Variants in HTRA3 observed in about 807,000 individuals in gnomAD.
HTRA3 encodes HtrA serine peptidase 3.
HTRA3 carries 41 observed loss-of-function variants against 43.2 expected under a neutral mutation model. The ratio of observed to expected loss-of-function variants is 0.95; its 90% CI spans 0.74 to 1.23. The LOEUF is 1.23. HTRA3 is among the 50% of genes most tolerant of loss of function. HTRA3 has a pLI of 0.00. For synonymous variants in HTRA3, 295 were observed against 287.9 expected, an observed-to-expected ratio of 1.02 and a Z score of -0.25; for missense variants, 628 against 647.1, an observed-to-expected ratio of 0.97 and a Z score of 0.32.
chr4:8,293,148 G>T (rs139080824), intron 5 of HTRA3, among the ~76,000 whole-genome samples: 17 of 152,354 alleles, frequency 1.1e-4, no homozygotes, highest in African/African-American at 2.6e-4. Context: ...GCTGCCTCAG[G>T]CCTCGTGTGC....
At chr4:8,289,937 G>A (rs967117476) in intron 3 of HTRA3, among the ~76,000 whole-genome samples, 1 of 132,376 alleles carries the variant, frequency 7.6e-6, no homozygotes, top group African/African-American at 3.1e-5. Flanking sequence ...CAGGGAGGAT[G>A]GGCTGACCCT....
chr4:8,276,441 C>T lies in HTRA3; in HGVS notation c.386-5996C>T, dbSNP rs549302864. On this transcript the variant is annotated intron_variant, in intron 1 of 8. Coordinates refer to ENST00000307358, the MANE Select transcript of HTRA3 (RefSeq NM_053044.5). ...GTTAGTGAGAGTGAGGGAGAGGGGT[C>T]GAGGAAGGGGAGGAGCTGGAAGGCG... 2.6e-4 allele frequency among the ~76,000 whole-genome samples: 39 copies of T among 152,232 alleles called. No individual in the cohort carries two copies. The South Asian group carries it at 6.4e-3, about 25-fold the overall frequency.
chr4:8,281,755 G>T (rs1417052328), intron 1 of HTRA3, among the ~76,000 whole-genome samples: 1 of 152,238 alleles, frequency 6.6e-6, no homozygotes, highest in Non-Finnish European at 1.5e-5. Context: ...CCCTACTGCT[G>T]ACGGCAGCAG....
chr4:8,275,131 C>T (rs949485928), intron 1 of HTRA3, among the ~76,000 whole-genome samples: 8 of 152,220 alleles, frequency 5.3e-5, no homozygotes, highest in African/African-American at 1.2e-4. Flanking sequence ...CAAGAGCTTT[C>T]GCCAAGGCTG....
chr4:8,301,502 C>G (rs1283826184), intron 6 of HTRA3, among the ~76,000 whole-genome samples: 1 of 152,012 alleles, frequency 6.6e-6, no homozygotes, highest in African/African-American at 2.4e-5. Flanking sequence ...TTGATTCACA[C>G]TCTCAGCTTT....
intron 5 of HTRA3, 111 bp downstream of exon 5, chr4:8,292,464 AC>A: frequency 1.1e-6 from 1 of 937,308 alleles, no homozygotes; most frequent in Non-Finnish European, 1.7e-6. Flanking sequence ...GAACATTTAC[AC>A]CAACAGTCGG....
chr4:8,296,311 CCT>C lies in HTRA3; in HGVS notation c.1051+2111_1051+2112del, dbSNP rs1461316759. ...TCCCAGAACCCCCTGGGAAATATCC[CCT>C]GTCCTCAGAGCTGTGTCCCCTCCCC... On this transcript the variant is annotated intron_variant, in intron 6 of 8. Transcript: ENST00000307358. This position sits in a 1 kb window ranked among gnomAD's most constrained non-coding sequence, Gnocchi z 5.3. The C allele has an allele frequency of 8.2e-5, 81 of 985,360 alleles. No homozygotes were observed. Among genetic ancestry groups the C allele is most frequent in the East Asian group, 1.1e-4 (1 of 8,818 alleles). The allele number at this position is 985,360 out of a possible 1,614,324, so 61.0% of individuals were successfully genotyped here.
chr4:8,272,213 C>T lies in HTRA3; in HGVS notation c.385+1860C>T, dbSNP rs114894134. ...GACACTCACTGACTTCTGGAGTTCG[C>T]GTCATGAGGCACTTTCTCTGTGTGC... On this transcript the variant is annotated intron_variant, in intron 1 of 8. Transcript: ENST00000307358. 5.4e-3 allele frequency among the ~76,000 whole-genome samples: 826 copies of T among 152,300 alleles called. 13 individuals carry two copies. The highest frequency in any genetic ancestry group is 0.019 in the African/African-American group (777 of 41,554).
In HTRA3 at chr4:8,269,899, A is replaced by C. The variant is rs1359265882; in HGVS notation, c.-70A>C. 5 of 764,362 alleles carry C rather than the reference A, an allele frequency of 6.5e-6. No homozygotes were observed. The highest frequency in any genetic ancestry group is 4.8e-6 in the Non-Finnish European group (3 of 624,418). 47.3% of individuals were successfully genotyped at this position (764,362 alleles called of 1,614,324 possible). On this transcript the variant is annotated 5_prime_UTR_variant, in exon 1 of 9. Transcript: ENST00000307358. ...GTAGGCGCCCGGCGCCCGGCCCCGC[A>C]GCGGCCTCGTTGTCCCCGCCGGCCC...
chr4:8,276,551 G>A (rs1712531958), intron 1 of HTRA3, among the ~76,000 whole-genome samples: 1 of 152,248 alleles, frequency 6.6e-6, no homozygotes, highest in Admixed American at 6.5e-5. Context: ...CTTCCTGTAA[G>A]AGGAGGGCCA....
At chr4:8,304,304 T>A in intron 8 of HTRA3, 25 bp downstream of exon 8, 1 of 1,591,864 alleles carries the variant, frequency 6.3e-7, no homozygotes, top group Non-Finnish European at 8.6e-7. Flanking sequence ...AGGAGATCGC[T>A]CGAGGCATGG....
intron 1 of HTRA3, among the ~76,000 whole-genome samples, chr4:8,278,398 A>G (rs1712613063): frequency 6.6e-6 from 1 of 152,064 alleles, no homozygotes. Context: ...AGGAAAAAAA[A>G]AAAAAAAAGG....
At position 8,296,065 on chromosome 4, in the gene HTRA3, A is replaced by G. The variant is rs1015632384; in HGVS notation, c.1051+1864A>G. On this transcript the variant is annotated intron_variant, in intron 6 of 8. Coordinates refer to ENST00000307358, the MANE Select transcript of HTRA3 (RefSeq NM_053044.5). This position sits in a 1 kb window ranked among gnomAD's most constrained non-coding sequence, Gnocchi z 5.3. ...CTAATGACCGAGTCTTTCCTGTTGA[A>G]TTATCCCATTCTCCATGGGTGCCTT... 2.8e-6 allele frequency: 3 copies of G among 1,076,480 alleles called. No homozygotes were observed. Among genetic ancestry groups the G allele is most frequent in the Non-Finnish European group, 3.4e-6 (3 of 889,246 alleles). 66.7% of individuals were successfully genotyped at this position (1,076,480 alleles called of 1,614,324 possible).
At position 8,295,944 on chromosome 4, in the gene HTRA3, C is replaced by A; in HGVS notation, c.1051+1743C>A. On this transcript the variant is annotated intron_variant, in intron 6 of 8. Coordinates refer to ENST00000307358, the MANE Select transcript of HTRA3 (RefSeq NM_053044.5). The surrounding 1 kb of genome is among the most constrained non-coding windows in gnomAD (Gnocchi z 6.9). ...GTCTTCTTCTCTTGAACAGTGGGGACCATCTAATCTCTTGAGCCCTTTTCC... is the reference window on the plus strand; with the variant it reads ...GTCTTCTTCTCTTGAACAGTGGGGAACATCTAATCTCTTGAGCCCTTTTCC... The A allele has an allele frequency of 8.2e-7, 1 of 1,220,278 alleles. No homozygotes were observed. The highest frequency in any genetic ancestry group is 1.0e-6 in the Non-Finnish European group (1 of 979,500). 75.6% of individuals were successfully genotyped at this position (1,220,278 alleles called of 1,614,324 possible). A position where few individuals can be genotyped will look rare whatever the true frequency, so the allele number is the denominator to read the frequency against.
chr4:8,290,519 G>A (rs1471323706), intron 3 of HTRA3, among the ~76,000 whole-genome samples: 2 of 152,222 alleles, frequency 1.3e-5, no homozygotes, highest in African/African-American at 4.8e-5. Context: ...GAGACTTTCC[G>A]CCAGCTTCCC....
At position 8,286,512 on chromosome 4, in the gene HTRA3, C is replaced by T. The variant is rs751414247; in HGVS notation, c.486-49C>T. The T allele has an allele frequency of 8.5e-6, 13 of 1,525,162 alleles. No individual in the cohort carries two copies. The highest frequency in any genetic ancestry group is 3.4e-5 in the South Asian group (3 of 87,876). The allele number at this position is 1,525,162 out of a possible 1,614,324, so 94.5% of individuals were successfully genotyped here. Reference sequence around the variant, plus strand: ...GCCCCACCACTGCGCCTGACTCCCCCGCGTCCTAGCCCCACCCTAAATGCC... The same window carrying T: ...GCCCCACCACTGCGCCTGACTCCCCTGCGTCCTAGCCCCACCCTAAATGCC... On this transcript the variant is annotated intron_variant, in intron 2 of 8. Transcript: ENST00000307358. This position sits in a 1 kb window ranked among gnomAD's most constrained non-coding sequence, Gnocchi z 4.9.
Position 8,282,421 on chromosome 4 carries a change from C to A in HTRA3, c.386-16C>A. On this transcript the variant is annotated splice_polypyrimidine_tract_variant and intron_variant, in intron 1 of 8. Coordinates refer to ENST00000307358, the MANE Select transcript of HTRA3 (RefSeq NM_053044.5). ...CGTGATCTCACTGATGCACCTGGCCCTTCCCGCCAGCGCAGGTCTCCACCA... is the reference window on the plus strand; with the variant it reads ...CGTGATCTCACTGATGCACCTGGCCATTCCCGCCAGCGCAGGTCTCCACCA... 1 of 1,604,820 alleles carries A rather than the reference C, an allele frequency of 6.2e-7. No individual in the cohort carries two copies. Among genetic ancestry groups the A allele is most frequent in the Non-Finnish European group, 8.5e-7 (1 of 1,174,394 alleles).
Position 8,304,168 on chromosome 4 carries a change from G to T in HTRA3, c.1101-16G>T. ...AAAGGCTCAGGGGAGGGGCCTTGAC[G>T]GCAGACTCTTTCCAGCCTGGTGGAT... On this transcript the variant is annotated splice_polypyrimidine_tract_variant and intron_variant, in intron 7 of 8. Coordinates refer to ENST00000307358, the MANE Select transcript of HTRA3 (RefSeq NM_053044.5). 1 of 1,610,514 alleles carries T rather than the reference G, an allele frequency of 6.2e-7. No individual in the cohort carries two copies. Among genetic ancestry groups the T allele is most frequent in the Non-Finnish European group, 8.5e-7 (1 of 1,176,834 alleles).
In HTRA3 at chr4:8,296,984, T is replaced by C. The variant is rs1454006303; in HGVS notation, c.1051+2783T>C. 6.6e-6 allele frequency among the ~76,000 whole-genome samples: 1 copy of C among 152,028 alleles called. No individual in the cohort carries two copies. Among genetic ancestry groups the C allele is most frequent in the East Asian group, 1.9e-4 (1 of 5,170 alleles). On this transcript the variant is annotated intron_variant, in intron 6 of 8. Transcript: ENST00000307358. The surrounding 1 kb of genome is among the most constrained non-coding windows in gnomAD (Gnocchi z 5.3). ...TCAGAAGTCACAGGGTCCTGTGGTC[T>C]CAAAAACCGTAAGTTTCCCTGGTCT...
Sources: allele counts gnomAD v4.1 joint callset (sites outside exome capture counted in the v4.1 genomes callset), GRCh38; gene constraint gnomAD v4.1.1; non-coding constraint Gnocchi (gnomAD v3.1); transcripts MANE v1.5; gene names NCBI Gene and HGNC (gene_info 2026-07-23, HGNC 2026-07-21).